Variants in RAD52 observed in about 807,000 individuals in gnomAD.
RAD52 encodes RAD52 DNA repair protein.
In RAD52, 47 loss-of-function variants were observed where a neutral mutation model predicts 55.5. The observed-to-expected ratio is 0.85, with a 90% confidence interval of 0.67 to 1.08. RAD52 has a LOEUF of 1.08. Ranked by LOEUF, RAD52 falls within the 50% of genes least tolerant of loss-of-function variation. RAD52 has a pLI of 0.00. For missense variants in RAD52, 468 were observed against 522.8 expected (o/e 0.90, Z 1.02); for synonymous variants, 184 against 198.9 (o/e 0.92, Z 0.63).
At chr12:969,873 A>G (rs1403393955) in intron 1 of RAD52, among the ~76,000 whole-genome samples, 6 of 151,988 alleles carry the variant, frequency 3.9e-5, no homozygotes, top group African/African-American at 1.5e-4. Flanking sequence ...TGAAGAAACT[A>G]TGTAAAGAGG....
chr12:958,886 G>A (rs1446575112), intron 1 of RAD52, among the ~76,000 whole-genome samples: 2 of 152,098 alleles, frequency 1.3e-5, no homozygotes, highest in Non-Finnish European at 2.9e-5. Flanking sequence ...TTAGTAACTC[G>A]GCCAGCTTCC....
intron 1 of RAD52, among the ~76,000 whole-genome samples, chr12:971,113 A>G (rs1958844160): frequency 1.3e-5 from 2 of 152,246 alleles, no homozygotes; most frequent in South Asian, 4.1e-4. Context: ...AACTCTGAGC[A>G]GCAAGCTCCT....
At position 913,947 on chromosome 12, in the gene RAD52, G is replaced by A; in HGVS notation, c.1142C>T (p.Ala381Val). ...TTGGAGGTCCCAAGATCCAGATTTTGCTTGTGGTTTCTGGTGGCAAACGCT... is the reference window on the plus strand; with the variant it reads ...TTGGAGGTCCCAAGATCCAGATTTTACTTGTGGTTTCTGGTGGCAAACGCT... ...PHSVCHQKPQ[A>V]KSGSWDLQTY... The change falls in exon 11 of 12, where the codon GCA (alanine) becomes GTA (valine). Residue 381 changes from alanine to valine, a missense_variant. Physicochemically the swap from Ala to Val is moderately conservative, Grantham distance 64. Coordinates refer to ENST00000358495, the MANE Select transcript of RAD52 (RefSeq NM_134424.4). 1 of 1,614,160 alleles carries A rather than the reference G, an allele frequency of 6.2e-7. No individual in the cohort carries two copies. Among genetic ancestry groups the A allele is most frequent in the Non-Finnish European group, 8.5e-7 (1 of 1,180,026 alleles).
At chr12:984,527 G>A (rs954050056) in intron 1 of RAD52, among the ~76,000 whole-genome samples, 1 of 151,614 alleles carries the variant, frequency 6.6e-6, no homozygotes, top group Middle Eastern at 3.4e-3. Context: ...ACTACTTTAG[G>A]TACCTCATAT....
In RAD52 at chr12:912,662, GGA is replaced by G. The variant is rs1956149905; in HGVS notation, c.*727_*728del. 1 of 165,646 alleles carries G rather than the reference GGA, an allele frequency of 6.0e-6. No homozygotes were observed. The highest frequency in any genetic ancestry group is 1.3e-5 in the Non-Finnish European group (1 of 78,758). 10.3% of individuals were successfully genotyped at this position (165,646 alleles called of 1,614,324 possible). A position where few individuals can be genotyped will look rare whatever the true frequency, so the allele number is the denominator to read the frequency against. ...GTATCACTTGGGCCCAAGAGGTTGT[GGA>G]GAGAGCTGTGTTTGCACCACTGAAC... On this transcript the variant is annotated 3_prime_UTR_variant, in exon 12 of 12. Coordinates refer to ENST00000358495, the MANE Select transcript of RAD52 (RefSeq NM_134424.4).
At chr12:942,748 A>C (rs1010559597) in intron 1 of RAD52, among the ~76,000 whole-genome samples, 7 of 139,794 alleles carry the variant, frequency 5.0e-5, no homozygotes, top group Admixed American at 1.4e-4. Flanking sequence ...ACTCTGTCTC[A>C]AAAAAAAAAA....
chr12:950,504 G>A (rs1958499801), upstream of RAD52, among the ~76,000 whole-genome samples: 1 of 151,226 alleles, frequency 6.6e-6, no homozygotes, highest in Admixed American at 6.6e-5. Context: ...CCCGGGGGAC[G>A]GAGCCTGCAG....
At chr12:967,410 A>G (rs1294083499) in intron 1 of RAD52, among the ~76,000 whole-genome samples, 4 of 151,504 alleles carry the variant, frequency 2.6e-5, no homozygotes, top group East Asian at 1.9e-4. Context: ...CACAAAACAT[A>G]TAAGTACAAT....
Position 912,537 on chromosome 12 carries a change from G to T in RAD52, c.*854C>A, listed in dbSNP as rs1592297580. On this transcript the variant is annotated 3_prime_UTR_variant, in exon 12 of 12. Transcript: ENST00000358495. ...AAGCAATATATATATATTCTATTTTGTTAATAAGGTATACGATTTGCTTTC... is the reference window on the plus strand; with the variant it reads ...AAGCAATATATATATATTCTATTTTTTTAATAAGGTATACGATTTGCTTTC... 1 of 177,510 alleles carries T rather than the reference G, an allele frequency of 5.6e-6. No individual in the cohort carries two copies. Among genetic ancestry groups the T allele is most frequent in the East Asian group, 9.3e-5 (1 of 10,754 alleles). 11.0% of individuals were successfully genotyped at this position (177,510 alleles called of 1,614,324 possible). A position where few individuals can be genotyped will look rare whatever the true frequency, so the allele number is the denominator to read the frequency against.
chr12:959,566 G>A (rs1958656179), intron 1 of RAD52, among the ~76,000 whole-genome samples: 1 of 152,172 alleles, frequency 6.6e-6, no homozygotes. Flanking sequence ...CAGTTCTGGC[G>A]GATGTTGAGA....
chr12:941,408 T>C (rs555505369), intron 1 of RAD52, among the ~76,000 whole-genome samples: 30 of 151,856 alleles, frequency 2.0e-4, no homozygotes, highest in African/African-American at 7.0e-4. Flanking sequence ...AACCTCTGCC[T>C]CCCAGGTTCA....
Position 930,050 on chromosome 12 carries a change from C to T in RAD52, c.280+1G>A. On this transcript the variant is annotated splice_donor_variant, in intron 4 of 11. Coordinates refer to ENST00000358495, the MANE Select transcript of RAD52 (RefSeq NM_134424.4). LOFTEE classifies it high-confidence loss of function. ...TCCCCACTGCTGGAGAGCATACTCA[C>T]CCACATTCTGCTGCGTGATGGAGTG... 6.2e-7 allele frequency: 1 copy of T among 1,613,114 alleles called. No homozygotes were observed. Among genetic ancestry groups the T allele is most frequent in the South Asian group, 1.1e-5 (1 of 91,068 alleles).
At chr12:941,799 G>A (rs1957936069) in intron 1 of RAD52, among the ~76,000 whole-genome samples, 1 of 151,632 alleles carries the variant, frequency 6.6e-6, no homozygotes, top group Non-Finnish European at 1.5e-5. Context: ...ACCACACCTG[G>A]CTAATTTTTG....
intron 1 of RAD52, among the ~76,000 whole-genome samples, chr12:955,011 G>C (rs1322639054): frequency 6.6e-6 from 1 of 152,212 alleles, no homozygotes; most frequent in East Asian, 1.9e-4. Flanking sequence ...CAATTAGCAA[G>C]ATGCCTTACT....
chr12:939,087 G>GTGTGTGTGTGTGTGT (rs751632769), intron 1 of RAD52, among the ~76,000 whole-genome samples: 39 of 61,842 alleles, frequency 6.3e-4, no homozygotes, highest in African/African-American at 1.6e-3. Flanking sequence ...TGTGTGTGTA[G>GTGTGTGTGTGTGTGT]AGAGAGAGAA....
At chr12:925,397 C>T in intron 7 of RAD52, 53 bp downstream of exon 7, 1 of 1,448,610 alleles carries the variant, frequency 6.9e-7, no homozygotes, top group South Asian at 1.1e-5. Flanking sequence ...CAACCCATGA[C>T]ACACAAGAGT....
intron 1 of RAD52, among the ~76,000 whole-genome samples, chr12:944,618 A>AC (rs1565688866): frequency 6.7e-6 from 1 of 148,352 alleles, no homozygotes; most frequent in East Asian, 2.2e-4. Flanking sequence ...TAAAAAAAAA[A>AC]AAAAAAAAAA....
chr12:926,903 A>ATCT, intron 6 of RAD52: 2 of 1,537,024 alleles, frequency 1.3e-6, no homozygotes, highest in Non-Finnish European at 1.7e-6. Flanking sequence ...TGCACGGAGA[A>ATCT]GAGAGAGTAC....
chr12:925,906 C>CGG (rs764785819), intron 6 of RAD52, among the ~76,000 whole-genome samples: 13 of 152,164 alleles, frequency 8.5e-5, no homozygotes, highest in South Asian at 8.3e-4. Context: ...ACTTGGGGAC[C>CGG]GGGGGCTCAA....
Sources: gnomAD v4.1 joint callset for allele counts (sites outside exome capture counted in the v4.1 genomes callset) on GRCh38, gnomAD v4.1.1 for gene constraint, MANE v1.5 for transcripts, NCBI Gene and HGNC (gene_info 2026-07-23, HGNC 2026-07-21) for gene names.